The following RBFOX1 variants were observed in gnomAD, a reference collection of about 807,000 sequenced individuals.
RBFOX1 encodes the protein RNA binding fox-1 homolog 1, also known as RNA binding protein fox-1 homolog 1.
In RBFOX1, 8 loss-of-function variants were observed where a neutral mutation model predicts 57.7. The ratio of observed to expected loss-of-function variants is 0.14; its 90% CI spans 0.08 to 0.25. The LOEUF (loss-of-function observed/expected upper bound fraction) is 0.25. Among genes scored for constraint, RBFOX1 ranks in the 10% least tolerant of loss-of-function variants. RBFOX1 has a pLI of 1.00. For missense variants in RBFOX1, 611 were observed against 548.5 expected (o/e 1.11, Z -1.14); for synonymous variants, 326 against 222.4 (o/e 1.47, Z -4.15).
intron 12 of RBFOX1, among the ~76,000 whole-genome samples, chr16:7,659,245 C>A (rs2067091112): frequency 6.6e-6 from 1 of 152,168 alleles, no homozygotes; most frequent in South Asian, 2.1e-4. Flanking sequence ...AAACTTAAAG[C>A]TGGTCAGTGG....
rs117933939 is a variant in RBFOX1, at chr16:6,824,096, G to A, written c.-16+169446G>A. Reference sequence around the variant, plus strand: ...TTTGTAGTAATGGAATGGTGAAGAGGAGTTTCCAGAATGTAAATAGTTATT... The same window carrying A: ...TTTGTAGTAATGGAATGGTGAAGAGAAGTTTCCAGAATGTAAATAGTTATT... On this transcript the variant is annotated intron_variant, in intron 3 of 15. Transcript: ENST00000550418. Among the ~76,000 whole-genome samples the A allele has an allele frequency of 7.9e-3, 1,206 of 152,290 alleles. 9 individuals carry two copies. Among genetic ancestry groups the A allele is most frequent in the Non-Finnish European group, 0.013 (904 of 68,010 alleles).
chr16:5,385,310 T>C (rs1292148194), intron 1 of RBFOX1, among the ~76,000 whole-genome samples: 2 of 152,212 alleles, frequency 1.3e-5, no homozygotes, highest in Non-Finnish European at 2.9e-5. Flanking sequence ...CTGCAGGACT[T>C]CTCAGAGCCT....
intron 3 of RBFOX1, among the ~76,000 whole-genome samples, chr16:7,045,167 A>T (rs923225940): frequency 6.6e-6 from 1 of 152,126 alleles, no homozygotes; most frequent in Non-Finnish European, 1.5e-5. Context: ...GATTGACTCA[A>T]ATTGGCCAGG....
intron 1 of RBFOX1, among the ~76,000 whole-genome samples, chr16:5,450,360 C>T (rs2068385020): frequency 6.6e-6 from 1 of 152,186 alleles, no homozygotes; most frequent in Non-Finnish European, 1.5e-5. Context: ...GATCGATTGG[C>T]TGCAGGCTTA....
intron 4 of RBFOX1, among the ~76,000 whole-genome samples, chr16:7,386,663 T>C (rs1306992727): frequency 6.6e-6 from 1 of 152,182 alleles, no homozygotes; most frequent in Non-Finnish European, 1.5e-5. Flanking sequence ...GTCTTTTTTA[T>C]TGTGAACAGT....
intron 3 of RBFOX1, among the ~76,000 whole-genome samples, chr16:6,959,753 A>G (rs920230104): frequency 1.8e-4 from 28 of 152,154 alleles, no homozygotes; most frequent in Admixed American, 7.9e-4. Flanking sequence ...CCTGGCCAAC[A>G]TGGTGAAACC....
chr16:7,521,595 G>A (rs1405120589), intron 5 of RBFOX1, among the ~76,000 whole-genome samples: 1 of 152,214 alleles, frequency 6.6e-6, no homozygotes. Context: ...AATCTGATGT[G>A]CAGACAAGCT....
intron 3 of RBFOX1, among the ~76,000 whole-genome samples, chr16:6,903,360 T>C (rs2068945993): frequency 6.6e-6 from 1 of 152,166 alleles, no homozygotes; most frequent in Non-Finnish European, 1.5e-5. Flanking sequence ...GCAAGAATGA[T>C]GGGAAACCAT....
intron 4 of RBFOX1, among the ~76,000 whole-genome samples, chr16:7,110,458 C>G (rs1042298497): frequency 6.6e-6 from 1 of 152,122 alleles, no homozygotes; most frequent in Non-Finnish European, 1.5e-5. Flanking sequence ...GGAGACAAGA[C>G]TTCAGCCAAT....
chr16:5,691,793 G>A (rs1434227641), intron 3 of RBFOX1, among the ~76,000 whole-genome samples: 1 of 152,034 alleles, frequency 6.6e-6, no homozygotes, highest in African/African-American at 2.4e-5. Flanking sequence ...TTACAAAAGA[G>A]GAAACGAGGT....
At chr16:5,811,587 A>G (rs2057931711) in intron 3 of RBFOX1, among the ~76,000 whole-genome samples, 1 of 151,818 alleles carries the variant, frequency 6.6e-6, no homozygotes, top group Non-Finnish European at 1.5e-5. Context: ...AGTAGCTGGG[A>G]TTACAGGCAT....
At position 6,060,503 on chromosome 16, in the gene RBFOX1, G is replaced by A. The variant is rs116769022; in HGVS notation, c.-127+40511G>A. 2.4e-3 allele frequency among the ~76,000 whole-genome samples: 370 copies of A among 152,178 alleles called. 1 individual carries two copies. The highest frequency in any genetic ancestry group is 8.4e-3 in the African/African-American group (349 of 41,534). ...ACCTGCTCTCCTTGTCATGCTTTTG[G>A]TTGACCTTTCACAGAGTGTATTTTC... On this transcript the variant is annotated intron_variant, in intron 1 of 15. Transcript: ENST00000550418.
intron 1 of RBFOX1, among the ~76,000 whole-genome samples, chr16:5,315,719 G>T (rs934636187): frequency 5.3e-5 from 8 of 152,298 alleles, no homozygotes; most frequent in Middle Eastern, 6.8e-3. Context: ...CACCAGGAAG[G>T]TCATTATGGG....
intron 2 of RBFOX1, among the ~76,000 whole-genome samples, chr16:6,556,341 AT>A (rs1377562086): frequency 1.3e-5 from 2 of 152,222 alleles, no homozygotes; most frequent in Non-Finnish European, 1.5e-5. Context: ...TCTCTTTGGA[AT>A]TACCAGATGT....
chr16:7,037,734 G>A (rs545710337), intron 3 of RBFOX1, among the ~76,000 whole-genome samples: 1 of 152,192 alleles, frequency 6.6e-6, no homozygotes, highest in Non-Finnish European at 1.5e-5. Context: ...TTTGTTCAAG[G>A]TCTGTAAGCT....
intron 4 of RBFOX1, among the ~76,000 whole-genome samples, chr16:7,499,043 G>A (rs184961240): frequency 1.3e-5 from 2 of 152,250 alleles, no homozygotes; most frequent in Admixed American, 6.5e-5. Context: ...TGACTAGCAC[G>A]TAATAGATGT....
chr16:6,585,038 C>T lies in RBFOX1; in HGVS notation c.-63-69565C>T, dbSNP rs188438125. Among the ~76,000 whole-genome samples the T allele has an allele frequency of 7.2e-5, 11 of 152,298 alleles. No homozygotes were observed. In the East Asian group the frequency reaches 2.1e-3, roughly 29 times the overall value. ...ATTCCCAGGCAGAACCTGGTCAAGG[C>T]TTTGTAGGCATCACTTCTTCTCTGA... On this transcript the variant is annotated intron_variant, in intron 2 of 15. Coordinates refer to ENST00000550418, the MANE Select transcript of RBFOX1 (RefSeq NM_018723.4).
chr16:7,344,353 A>G (rs2096954358), intron 4 of RBFOX1, among the ~76,000 whole-genome samples: 1 of 150,250 alleles, frequency 6.7e-6, no homozygotes, highest in African/African-American at 2.4e-5. Flanking sequence ...TGATTATTTT[A>G]TATTTTATAT....
intron 3 of RBFOX1, among the ~76,000 whole-genome samples, chr16:6,839,570 C>T (rs1194407987): frequency 2.0e-5 from 3 of 152,166 alleles, no homozygotes; most frequent in East Asian, 1.9e-4. Context: ...AATGCCAGCC[C>T]TGCTGGTATT....
Sources: allele counts gnomAD v4.1 joint callset (sites outside exome capture counted in the v4.1 genomes callset), GRCh38; gene constraint gnomAD v4.1.1; transcripts MANE v1.5; gene names NCBI Gene and HGNC (gene_info 2026-07-23, HGNC 2026-07-21).